CTNND2: variants seen among roughly 807,000 people sequenced by gnomAD.
CTNND2 encodes catenin delta-2.
Under a neutral mutation model 144.4 loss-of-function variants are expected in CTNND2, and 22 were observed. That is an observed-to-expected ratio of 0.15 (90% confidence interval 0.11 to 0.22). CTNND2 has a LOEUF of 0.22. Among genes scored for constraint, CTNND2 ranks in the 10% least tolerant of loss-of-function variants. The pLI, the probability that CTNND2 is intolerant of heterozygous loss-of-function variation, is 1.00. For missense variants in CTNND2, 1,353 were observed against 1,618.8 expected (o/e 0.84, Z 2.82); for synonymous variants, 751 against 695.6 (o/e 1.08, Z -1.25).
intron 3 of CTNND2, among the ~76,000 whole-genome samples, chr5:11,485,576 A>G (rs867498368): frequency 6.6e-6 from 1 of 152,240 alleles, no homozygotes; most frequent in Non-Finnish European, 1.5e-5. Context: ...AAATATATCA[A>G]TGGAACACAA....
intron 3 of CTNND2, among the ~76,000 whole-genome samples, chr5:11,530,259 T>C (rs891989743): frequency 6.6e-6 from 1 of 151,896 alleles, no homozygotes; most frequent in Non-Finnish European, 1.5e-5. Flanking sequence ...CTTTAGTAAA[T>C]AGCAATAATG....
intron 16 of CTNND2, among the ~76,000 whole-genome samples, chr5:11,034,838 T>G (rs901711492): frequency 1.3e-5 from 2 of 152,140 alleles, no homozygotes; most frequent in African/African-American, 2.4e-5. Context: ...AGCTAACTAC[T>G]AGTGGTCTGT....
intron 1 of CTNND2, among the ~76,000 whole-genome samples, chr5:11,757,042 A>G (rs1162484244): frequency 6.6e-6 from 1 of 151,768 alleles, no homozygotes; most frequent in Admixed American, 6.6e-5. Context: ...ACTTAAAACA[A>G]TAAAAACAAC....
At chr5:11,218,875 T>C (rs1048756843) in intron 10 of CTNND2, among the ~76,000 whole-genome samples, 1 of 152,206 alleles carries the variant, frequency 6.6e-6, no homozygotes, top group African/African-American at 2.4e-5. Flanking sequence ...TGGGTCTTTC[T>C]GGCAGAGAGG....
At chr5:11,271,569 T>C (rs191384956) in intron 9 of CTNND2, among the ~76,000 whole-genome samples, 1 of 152,294 alleles carries the variant, frequency 6.6e-6, no homozygotes, top group East Asian at 1.9e-4. Context: ...ATGTTGAGAA[T>C]ATCGCCCCCT....
At chr5:11,657,558 G>A (rs986751149) in intron 2 of CTNND2, among the ~76,000 whole-genome samples, 1 of 151,786 alleles carries the variant, frequency 6.6e-6, no homozygotes, top group Non-Finnish European at 1.5e-5. Flanking sequence ...AGTGTCTCAG[G>A]TTTTATGAGT....
intron 2 of CTNND2, among the ~76,000 whole-genome samples, chr5:11,668,122 A>G (rs1783674356): frequency 6.6e-6 from 1 of 152,174 alleles, no homozygotes; most frequent in Non-Finnish European, 1.5e-5. Context: ...CCATTGGTCT[A>G]TATATCTGTT....
chr5:11,674,716 T>G (rs867728091), intron 2 of CTNND2, among the ~76,000 whole-genome samples: 22 of 151,002 alleles, frequency 1.5e-4, no homozygotes, highest in Middle Eastern at 3.4e-3. Context: ...TGTTTGTTTG[T>G]TTGGTTGGTT....
At chr5:11,061,224 A>G (rs1320084918) in intron 16 of CTNND2, among the ~76,000 whole-genome samples, 1 of 151,996 alleles carries the variant, frequency 6.6e-6, no homozygotes, top group African/African-American at 2.4e-5. Flanking sequence ...CTGTGCTACA[A>G]CTCTGGTCCT....
chr5:11,755,780 C>A (rs1243464383), intron 1 of CTNND2, among the ~76,000 whole-genome samples: 2 of 151,454 alleles, frequency 1.3e-5, no homozygotes, highest in African/African-American at 4.8e-5. Flanking sequence ...TCAGCTCTAC[C>A]AGGTCAGTTT....
intron 2 of CTNND2, among the ~76,000 whole-genome samples, chr5:11,573,589 C>T (rs2150119669): frequency 6.6e-6 from 1 of 152,250 alleles, no homozygotes; most frequent in South Asian, 2.1e-4. Context: ...AAATCAATGT[C>T]AACTGTAAAG....
At chr5:11,389,388 A>G (rs1759409658) in intron 6 of CTNND2, among the ~76,000 whole-genome samples, 1 of 152,244 alleles carries the variant, frequency 6.6e-6, no homozygotes, top group Non-Finnish European at 1.5e-5. Flanking sequence ...AATATGGAAC[A>G]TTAACTCATC....
chr5:11,501,289 T>C (rs1158693055), intron 3 of CTNND2, among the ~76,000 whole-genome samples: 1 of 152,250 alleles, frequency 6.6e-6, no homozygotes, highest in South Asian at 2.1e-4. Context: ...GAGTTTCACA[T>C]GCTCCAAGAA....
At chr5:11,060,960 T>TC (rs543527128) in intron 16 of CTNND2, among the ~76,000 whole-genome samples, 9 of 148,550 alleles carry the variant, frequency 6.1e-5, no homozygotes, top group Non-Finnish European at 1.2e-4. Context: ...ACTTTAACTA[T>TC]CTTTTTTTTT....
At chr5:11,405,837 G>A (rs1581126889) in intron 5 of CTNND2, among the ~76,000 whole-genome samples, 1 of 152,208 alleles carries the variant, frequency 6.6e-6, no homozygotes, top group East Asian at 1.9e-4. Context: ...TTTAGACATG[G>A]ACACCATGAC....
chr5:11,045,683 C>T (rs1745167820), intron 16 of CTNND2, among the ~76,000 whole-genome samples: 1 of 152,114 alleles, frequency 6.6e-6, no homozygotes, highest in Non-Finnish European at 1.5e-5. Flanking sequence ...GATTTATAGC[C>T]CACTTGGATA....
At chr5:11,425,061 T>C (rs1030343179) in intron 3 of CTNND2, among the ~76,000 whole-genome samples, 3 of 152,250 alleles carry the variant, frequency 2.0e-5, no homozygotes, top group Non-Finnish European at 4.4e-5. Context: ...ACTCATCCAT[T>C]ATGTGTAAGA....
At chr5:11,738,762 C>G (rs554427846) in intron 1 of CTNND2, among the ~76,000 whole-genome samples, 1 of 152,280 alleles carries the variant, frequency 6.6e-6, no homozygotes, top group African/African-American at 2.4e-5. Flanking sequence ...GTCACTCTTA[C>G]TTGGTGGTCC....
intron 7 of CTNND2, among the ~76,000 whole-genome samples, chr5:11,382,595 C>CTCTGTGTGTGTGTG (rs1554046368): frequency 3.8e-5 from 5 of 130,148 alleles, no homozygotes; most frequent in African/African-American, 1.5e-4. Flanking sequence ...GAGTGAGACT[C>CTCTGTGTGTGTGTG]TGTGTGTGTG....
Sources: allele counts gnomAD v4.1 joint callset (sites outside exome capture counted in the v4.1 genomes callset), GRCh38; gene constraint gnomAD v4.1.1; transcripts MANE v1.5; gene names NCBI Gene and HGNC (gene_info 2026-07-23, HGNC 2026-07-21).